ZNF782: variants seen among roughly 807,000 people sequenced by gnomAD.
ZNF782 encodes zinc finger protein 782.
ZNF782 carries 12 observed loss-of-function variants against 13.0 expected under a neutral mutation model. The observed-to-expected ratio is 0.92, with a 90% CI of 0.59 to 1.50. The LOEUF is 1.50. Ranked by LOEUF, ZNF782 falls within the 40% of genes most tolerant of loss-of-function variation. ZNF782 has a pLI of 0.00. For synonymous variants in ZNF782, 284 were observed against 283.0 expected, an observed-to-expected ratio of 1.00 and a Z score of -0.04; for missense variants, 770 against 822.9, an observed-to-expected ratio of 0.94 and a Z score of 0.79.
At chr9:96,915,089 A>T in the ZNF782 span, among the ~76,000 whole-genome samples, 8 of 151,930 alleles carry the variant, frequency 5.3e-5, no homozygotes, top group Admixed American at 3.3e-4. Context: ...TAAACAAAAC[A>T]TTTGTACTAA....
the ZNF782 span, among the ~76,000 whole-genome samples, chr9:96,924,598 G>GA: frequency 7.5e-6 from 1 of 132,890 alleles, no homozygotes; most frequent in Non-Finnish European, 1.6e-5. Flanking sequence ...ATTGACAAAC[G>GA]AGCATATTAG....
the ZNF782 span, among the ~76,000 whole-genome samples, chr9:96,911,805 C>T: frequency 1.5e-4 from 23 of 152,066 alleles, no homozygotes; most frequent in South Asian, 4.8e-3. Context: ...CAGGTGTGAC[C>T]CACCACGCCC....
chr9:96,923,025 C>A, the ZNF782 span, among the ~76,000 whole-genome samples: 4 of 147,186 alleles, frequency 2.7e-5, no homozygotes, highest in Non-Finnish European at 5.9e-5. Context: ...AAATTCAATT[C>A]TCTCACTCTC....
At chr9:96,919,659 G>T in the ZNF782 span, among the ~76,000 whole-genome samples, 1 of 147,862 alleles carries the variant, frequency 6.8e-6, no homozygotes, top group South Asian at 2.2e-4. Flanking sequence ...TGCCTCCTGG[G>T]TTCAGGCGAT....
intron 4 of ZNF782, among the ~76,000 whole-genome samples, chr9:96,840,460 G>GTA (rs1459035788): frequency 6.6e-6 from 1 of 151,862 alleles, no homozygotes; most frequent in Non-Finnish European, 1.5e-5. Context: ...CTCCCCTCAT[G>GTA]TATCCTTCAC....
At chr9:96,927,135 T>C in the ZNF782 span, among the ~76,000 whole-genome samples, 3 of 152,284 alleles carry the variant, frequency 2.0e-5, no homozygotes, top group Admixed American at 2.0e-4. Flanking sequence ...GCTACAATAA[T>C]TCCCATGCTG....
the ZNF782 span, chr9:96,931,756 C>A: frequency 6.2e-6 from 10 of 1,611,624 alleles, no homozygotes; most frequent in Non-Finnish European, 8.5e-6. Flanking sequence ...TGACCGTGAA[C>A]CCTGGCACCT....
At chr9:96,843,173 A>G (rs1564007102) in intron 4 of ZNF782, among the ~76,000 whole-genome samples, 1 of 152,132 alleles carries the variant, frequency 6.6e-6, no homozygotes, top group Non-Finnish European at 1.5e-5. Flanking sequence ...TTACCATACA[A>G]TCCAACAATC....
At chr9:96,873,878 G>C (rs1851859054) in intron 1 of ZNF782, among the ~76,000 whole-genome samples, 1 of 152,200 alleles carries the variant, frequency 6.6e-6, no homozygotes, top group Non-Finnish European at 1.5e-5. Context: ...TTGGGGTATG[G>C]AAACTAAGTT....
At chr9:96,912,487 C>T in the ZNF782 span, among the ~76,000 whole-genome samples, 7 of 146,266 alleles carry the variant, frequency 4.8e-5, no homozygotes, top group South Asian at 2.2e-4. Context: ...GAGTGAGTTT[C>T]CATCTCAAAA....
At chr9:96,902,045 T>C in the ZNF782 span, among the ~76,000 whole-genome samples, 7 of 152,048 alleles carry the variant, frequency 4.6e-5, no homozygotes, top group African/African-American at 9.7e-5. Context: ...AGTTATAACA[T>C]AGGCCAGTGG....
upstream of ZNF782, among the ~76,000 whole-genome samples, chr9:96,855,773 G>GT (rs1476469897): frequency 6.6e-6 from 1 of 152,218 alleles, no homozygotes. Context: ...TAGATACCCA[G>GT]TAGTGGGATT....
intron 1 of ZNF782, among the ~76,000 whole-genome samples, chr9:96,872,646 T>C (rs973241885): frequency 6.6e-6 from 1 of 152,246 alleles, no homozygotes; most frequent in African/African-American, 2.4e-5. Flanking sequence ...AGCATTTTTA[T>C]AAGTTGCCTG....
At chr9:96,870,015 C>T (rs570935877) in intron 1 of ZNF782, among the ~76,000 whole-genome samples, 76 of 152,116 alleles carry the variant, frequency 5.0e-4, no homozygotes, top group Non-Finnish European at 9.4e-4. Context: ...TTTAGGAGCC[C>T]AATTTTTAAA....
rs925965685 is a variant in ZNF782, at chr9:96,850,560, A to G, written c.15+1387T>C. ...AAACTACCTATAAGGCACAATGTAC[A>G]CTACTTGTCAGACCACGGGTGAACT... On this transcript the variant is annotated intron_variant, in intron 3 of 5. Coordinates refer to ENST00000481138, the MANE Select transcript of ZNF782 (RefSeq NM_001001662.3). The surrounding 1 kb of genome is among the most constrained non-coding windows in gnomAD (Gnocchi z 4.3). 6.6e-6 allele frequency among the ~76,000 whole-genome samples: 1 copy of G among 152,210 alleles called. No homozygotes were observed. Among genetic ancestry groups the G allele is most frequent in the Non-Finnish European group, 1.5e-5 (1 of 68,038 alleles).
upstream of ZNF782, among the ~76,000 whole-genome samples, chr9:96,857,495 C>G (rs1021124933): frequency 2.0e-5 from 3 of 152,218 alleles, no homozygotes; most frequent in African/African-American, 4.8e-5. Context: ...AGCACTCAAA[C>G]TAAGCTAAAT....
At chr9:96,922,788 A>AAG in the ZNF782 span, among the ~76,000 whole-genome samples, 1 of 151,474 alleles carries the variant, frequency 6.6e-6, no homozygotes. Flanking sequence ...AAAAAAAAAA[A>AAG]TTATAACTTG....
intron 4 of ZNF782, among the ~76,000 whole-genome samples, chr9:96,836,399 G>GGGGT (rs923583721): frequency 3.9e-5 from 6 of 151,972 alleles, no homozygotes; most frequent in African/African-American, 1.4e-4. Context: ...TAGTAGAGAC[G>GGGGT]GGGTTTCACT....
rs1588143884 is a variant in ZNF782 at position 96,818,285 on chromosome 9, G to A, written c.1738C>T (p.His580Tyr). The A allele has an allele frequency of 6.2e-7, 1 of 1,614,102 alleles. No individual in the cohort carries two copies. Among genetic ancestry groups the A allele is most frequent in the Non-Finnish European group, 8.5e-7 (1 of 1,180,012 alleles). Reference protein sequence around the residue: ...AFSQKSNLRVHHRTHTGEKPY... With the variant: ...AFSQKSNLRVYHRTHTGEKPY... The stretch of plus-strand genomic sequence containing the variant: ...TTCTCCCCAGTATGAGTTCTGTGAT[G>A]TACTCTGAGGTTTGATTTCTGACTG... Residue 580 changes from histidine (H) to tyrosine (Y), a missense_variant, in exon 6 of 6, where the codon CAT (histidine) becomes TAT (tyrosine). His to Tyr is a moderately conservative substitution (Grantham distance 83). Transcript: ENST00000481138.
Sources: gnomAD v4.1 joint callset for allele counts (sites outside exome capture counted in the v4.1 genomes callset) on GRCh38, gnomAD v4.1.1 for gene constraint, Gnocchi (gnomAD v3.1) non-coding constraint, MANE v1.5 for transcripts, NCBI Gene and HGNC (gene_info 2026-07-23, HGNC 2026-07-21) for gene names.